The following SHC3 variants were observed in gnomAD, a reference collection of about 807,000 sequenced individuals.
SHC3 encodes SHC adaptor protein 3, also known as SHC-transforming protein 3.
SHC3 carries 15 observed loss-of-function variants against 60.4 expected under a neutral mutation model. The ratio of observed to expected loss-of-function variants is 0.25; its 90% confidence interval spans 0.17 to 0.38. SHC3 has a LOEUF of 0.38. Ranked by LOEUF, SHC3 falls within the 10% of genes least tolerant of loss-of-function variation. The pLI is 1.00. For synonymous variants in SHC3, 294 were observed against 325.9 expected (o/e 0.90, Z 1.05); for missense variants, 677 against 786.1 (o/e 0.86, Z 1.66).
chr9:89,141,573 C>T (rs1826394375), intron 1 of SHC3, among the ~76,000 whole-genome samples: 1 of 151,738 alleles, frequency 6.6e-6, no homozygotes, highest in South Asian at 2.1e-4. Flanking sequence ...AGTGAACAGC[C>T]CTAGTGACCT....
At chr9:89,169,838 T>C (rs1826843086) in intron 1 of SHC3, among the ~76,000 whole-genome samples, 1 of 152,152 alleles carries the variant, frequency 6.6e-6, no homozygotes, top group Non-Finnish European at 1.5e-5. Context: ...TGTTTTAAAA[T>C]CCTCATAATA....
intron 2 of SHC3, among the ~76,000 whole-genome samples, chr9:89,099,784 G>C (rs1319819836): frequency 1.3e-5 from 2 of 152,116 alleles, no homozygotes; most frequent in African/African-American, 2.4e-5. Flanking sequence ...ATGTGAAAAG[G>C]GTGCATCTTG....
At chr9:89,174,984 C>T (rs1826922439) in intron 1 of SHC3, among the ~76,000 whole-genome samples, 1 of 152,194 alleles carries the variant, frequency 6.6e-6, no homozygotes, top group South Asian at 2.1e-4. Context: ...GGGGTCCTAC[C>T]CAGGCTTGAC....
chr9:89,097,217 G>C (rs1332484160), intron 2 of SHC3, among the ~76,000 whole-genome samples: 1 of 151,466 alleles, frequency 6.6e-6, no homozygotes, highest in Non-Finnish European at 1.5e-5. Context: ...AGATATTTTA[G>C]GTATTAAAGT....
At chr9:89,054,711 C>T (rs1488140129) in intron 6 of SHC3, among the ~76,000 whole-genome samples, 2 of 152,184 alleles carry the variant, frequency 1.3e-5, no homozygotes, top group African/African-American at 4.8e-5. Context: ...TGCACAGAAT[C>T]GAGATTCCAA....
intron 4 of SHC3, among the ~76,000 whole-genome samples, chr9:89,071,878 G>C (rs1328815892): frequency 6.6e-6 from 1 of 152,190 alleles, no homozygotes; most frequent in African/African-American, 2.4e-5. Context: ...GCCAACGAAG[G>C]CTCTGCCCAC....
At position 89,048,488 on chromosome 9, in the gene SHC3, T is replaced by C. The variant is rs541562609; in HGVS notation, c.963-1494A>G. On this transcript the variant is annotated intron_variant, in intron 7 of 11. Transcript: ENST00000375835. ...CAAATCCATAGAGACAGAAAGTAGA[T>C]TAGTGGTTGGTGGAAGAGTGGGGAG... Among the ~76,000 whole-genome samples, 60 of 152,122 alleles carry C rather than the reference T, an allele frequency of 3.9e-4. 2 individuals carry two copies. The South Asian group carries it at 0.01, about 26-fold the overall frequency.
At chr9:89,085,506 C>A (rs1305796157) in intron 2 of SHC3, among the ~76,000 whole-genome samples, 1 of 152,206 alleles carries the variant, frequency 6.6e-6, no homozygotes, top group Admixed American at 6.5e-5. Flanking sequence ...CCAATAAAGT[C>A]TTTTTCCGTA....
At chr9:89,067,848 G>A (rs910001729) in intron 5 of SHC3, among the ~76,000 whole-genome samples, 1 of 152,150 alleles carries the variant, frequency 6.6e-6, no homozygotes, top group East Asian at 1.9e-4. Context: ...TAAGTAGGGG[G>A]AGAGTTAAAT....
At chr9:89,108,866 G>A (rs550579955) in intron 2 of SHC3, among the ~76,000 whole-genome samples, 94 of 152,314 alleles carry the variant, frequency 6.2e-4, no homozygotes, top group Non-Finnish European at 1.0e-3. Context: ...CCACTTAGTA[G>A]AGTTCGTGCT....
intron 1 of SHC3, among the ~76,000 whole-genome samples, chr9:89,135,817 C>G (rs916266183): frequency 1.3e-5 from 2 of 152,066 alleles, no homozygotes; most frequent in African/African-American, 2.4e-5. Flanking sequence ...TCAGCATATA[C>G]TGGAATCAGC....
chr9:89,078,396 G>A (rs1017516772), intron 2 of SHC3, among the ~76,000 whole-genome samples: 4 of 152,138 alleles, frequency 2.6e-5, no homozygotes, highest in Non-Finnish European at 5.9e-5. Flanking sequence ...CAGTTTCTGC[G>A]GTTAGTGAAT....
chr9:89,033,541 C>A (rs1824524763), intron 11 of SHC3, among the ~76,000 whole-genome samples: 1 of 152,186 alleles, frequency 6.6e-6, no homozygotes, highest in Non-Finnish European at 1.5e-5. Context: ...ACCCCATCAC[C>A]TCCACAGGCT....
intron 1 of SHC3, among the ~76,000 whole-genome samples, chr9:89,155,680 C>G (rs1826612651): frequency 6.6e-6 from 1 of 152,264 alleles, no homozygotes; most frequent in Non-Finnish European, 1.5e-5. Context: ...ATGGAGTTGG[C>G]AAATCGTCAT....
rs892051475 is a variant in SHC3, at chr9:89,109,138, A to G, written c.545+3418T>C. On this transcript the variant is annotated intron_variant, in intron 2 of 11. Coordinates refer to ENST00000375835, the MANE Select transcript of SHC3 (RefSeq NM_016848.6). ...GGGGATAGGAAATCCTCTACAAACA[A>G]CATAAATATCTTGTTAGTAAATGCA... The G allele has an allele frequency of 4.3e-5, 42 of 985,042 alleles. No homozygotes were observed. The South Asian group carries it at 1.1e-3, about 26-fold the overall frequency. The allele number at this position is 985,042 out of a possible 1,614,324, so 61.0% of individuals were successfully genotyped here.
intron 1 of SHC3, among the ~76,000 whole-genome samples, chr9:89,153,232 A>G (rs1472704041): frequency 6.6e-6 from 1 of 152,230 alleles, no homozygotes; most frequent in Non-Finnish European, 1.5e-5. Flanking sequence ...TGTTCATTGC[A>G]GAAAATTTTG....
At chr9:89,014,584 A>C (rs1826064854) in intron 11 of SHC3, among the ~76,000 whole-genome samples, 1 of 152,084 alleles carries the variant, frequency 6.6e-6, no homozygotes, top group Non-Finnish European at 1.5e-5. Flanking sequence ...GTGTGTGCAG[A>C]TGAGTTTCCA....
At chr9:89,023,217 C>T (rs193211145) in intron 11 of SHC3, among the ~76,000 whole-genome samples, 1 of 152,206 alleles carries the variant, frequency 6.6e-6, no homozygotes, top group East Asian at 1.9e-4. Context: ...CCAGAATAAA[C>T]TCTGAGGCCA....
At chr9:89,078,815 A>G (rs1380812827) in intron 2 of SHC3, among the ~76,000 whole-genome samples, 8 of 152,220 alleles carry the variant, frequency 5.3e-5, no homozygotes, top group Admixed American at 3.9e-4. Flanking sequence ...CACATGGAGG[A>G]GAAAATACTA....
Sources: gnomAD v4.1 joint callset for allele counts (sites outside exome capture counted in the v4.1 genomes callset) on GRCh38, gnomAD v4.1.1 for gene constraint, MANE v1.5 for transcripts, NCBI Gene and HGNC (gene_info 2026-07-23, HGNC 2026-07-21) for gene names.